MIR2052HG: variants seen among roughly 807,000 people sequenced by gnomAD.
MIR2052HG encodes the protein MIR2052 host gene.
At chr8:74,675,716 A>G (rs1809044031) in intron 2 of MIR2052HG, among the ~76,000 whole-genome samples, 1 of 152,016 alleles carries the variant, frequency 6.6e-6, no homozygotes. Context: ...CATATAAAAT[A>G]CCATAGAAAA....
chr8:74,671,470 G>A (rs758279946), intron 2 of MIR2052HG, among the ~76,000 whole-genome samples: 1 of 152,064 alleles, frequency 6.6e-6, no homozygotes, highest in Non-Finnish European at 1.5e-5. Flanking sequence ...TGAAATGGTA[G>A]AGTTGAGTTT....
intron 4 of MIR2052HG, among the ~76,000 whole-genome samples, chr8:74,746,958 A>G (rs184802114): frequency 4.6e-5 from 7 of 152,272 alleles, no homozygotes; most frequent in African/African-American, 1.4e-4. Flanking sequence ...TTTACCACCC[A>G]AGCCCCCTTA....
At chr8:74,687,513 T>C (rs1053565127) in intron 2 of MIR2052HG, among the ~76,000 whole-genome samples, 3 of 152,042 alleles carry the variant, frequency 2.0e-5, no homozygotes, top group African/African-American at 4.8e-5. Context: ...TATTTAGCCA[T>C]AAAAGAAGGG....
chr8:74,629,069 C>T (rs1808475105), intron 2 of MIR2052HG, among the ~76,000 whole-genome samples: 1 of 152,016 alleles, frequency 6.6e-6, no homozygotes, highest in South Asian at 2.1e-4. Context: ...TTATGTCAGC[C>T]AGTGTGTTGG....
At chr8:74,662,993 A>G (rs572829347) in intron 2 of MIR2052HG, among the ~76,000 whole-genome samples, 2 of 152,190 alleles carry the variant, frequency 1.3e-5, no homozygotes, top group Non-Finnish European at 2.9e-5. Context: ...CTAATCCCCA[A>G]TGTGATAACC....
chr8:74,618,543 C>T (rs1366101205), intron 2 of MIR2052HG, among the ~76,000 whole-genome samples: 3 of 152,070 alleles, frequency 2.0e-5, no homozygotes, highest in Non-Finnish European at 4.4e-5. Context: ...AGGACAAAAA[C>T]CATATGATCA....
chr8:74,610,924 A>C (rs892019956), intron 1 of MIR2052HG, among the ~76,000 whole-genome samples: 1 of 152,062 alleles, frequency 6.6e-6, no homozygotes, highest in African/African-American at 2.4e-5. Context: ...AATTGGATTA[A>C]GTAAAGACTG....
intron 2 of MIR2052HG, among the ~76,000 whole-genome samples, chr8:74,689,163 T>C (rs1809213925): frequency 6.6e-6 from 1 of 152,130 alleles, no homozygotes; most frequent in African/African-American, 2.4e-5. Context: ...TTTGAGGTGA[T>C]ATGTGCTTGG....
chr8:74,738,848 T>C (rs1434626686), intron 4 of MIR2052HG, among the ~76,000 whole-genome samples: 2 of 152,208 alleles, frequency 1.3e-5, no homozygotes, highest in Admixed American at 1.3e-4. Flanking sequence ...CAGAAAATCA[T>C]CTTGAGGCTT....
intron 2 of MIR2052HG, among the ~76,000 whole-genome samples, chr8:74,695,137 A>T (rs1179823658): frequency 1.3e-5 from 2 of 152,204 alleles, no homozygotes; most frequent in East Asian, 3.9e-4. Context: ...GCTGGAAAGG[A>T]TTTGTGCCCT....
chr8:74,616,573 A>G (rs1023011797), intron 2 of MIR2052HG, among the ~76,000 whole-genome samples: 3 of 151,562 alleles, frequency 2.0e-5, no homozygotes, highest in Non-Finnish European at 4.4e-5. Context: ...GCAGTATTCT[A>G]TTTTGCATCC....
At position 74,713,369 on chromosome 8, in the gene MIR2052HG, A is replaced by C. The variant is rs111433739; in HGVS notation, n.371+9687A>C. On this transcript the variant is annotated intron_variant and non_coding_transcript_variant, in intron 4 of 6. Coordinates refer to ENST00000523442, the Ensembl canonical transcript of MIR2052HG. ...ACAGAGCAGCCAGAATTCATTTCTT[A>C]AATGACAAAATGGATGTAACTCTCC... Among the ~76,000 whole-genome samples the C allele has an allele frequency of 1.6e-4, 25 of 152,322 alleles. 3 individuals are homozygous for C. The highest frequency in any genetic ancestry group is 5.8e-4 in the African/African-American group (24 of 41,574).
At chr8:74,703,864 C>T (rs1305812995) in intron 4 of MIR2052HG, among the ~76,000 whole-genome samples, 1 of 152,010 alleles carries the variant, frequency 6.6e-6, no homozygotes, top group Non-Finnish European at 1.5e-5. Flanking sequence ...ATGTGTATTT[C>T]CAATGATACC....
At chr8:74,715,124 A>G (rs1375706176) in intron 4 of MIR2052HG, among the ~76,000 whole-genome samples, 2 of 152,234 alleles carry the variant, frequency 1.3e-5, no homozygotes, top group Non-Finnish European at 2.9e-5. Context: ...TATTTCTATT[A>G]CTATTAGTAA....
At chr8:74,699,817 T>C (rs1330627434) in intron 2 of MIR2052HG, among the ~76,000 whole-genome samples, 1 of 152,162 alleles carries the variant, frequency 6.6e-6, no homozygotes, top group African/African-American at 2.4e-5. Flanking sequence ...GGAAATGGTT[T>C]CTATATGGTA....
At chr8:74,679,232 A>G (rs1289852303) in intron 2 of MIR2052HG, among the ~76,000 whole-genome samples, 1 of 151,980 alleles carries the variant, frequency 6.6e-6, no homozygotes, top group Non-Finnish European at 1.5e-5. Context: ...GTAGTCTTTT[A>G]TCTCTCACCT....
At chr8:74,698,346 A>G (rs1344055402) in intron 2 of MIR2052HG, among the ~76,000 whole-genome samples, 2 of 152,244 alleles carry the variant, frequency 1.3e-5, no homozygotes, top group Non-Finnish European at 2.9e-5. Context: ...CACCTTATAC[A>G]ACAATCAACT....
intron 5 of MIR2052HG, chr8:74,757,180 T>C (rs903461332): frequency 1.3e-5 from 2 of 152,196 alleles, no homozygotes; most frequent in African/African-American, 4.8e-5. Context: ...GTCATTAGGT[T>C]AATAACACCC....
At position 74,693,105 on chromosome 8, in the gene MIR2052HG, C is replaced by G. The variant is rs1483378477; in HGVS notation, n.217-9274C>G. On this transcript the variant is annotated intron_variant and non_coding_transcript_variant, in intron 2 of 6. Transcript: ENST00000523442. Reference sequence around the variant, plus strand: ...TGTGGCGTCAGAAAACACAGACTGACAAGTTATATGATCATGGGCAACTCA... The same window carrying G: ...TGTGGCGTCAGAAAACACAGACTGAGAAGTTATATGATCATGGGCAACTCA... Among the ~76,000 whole-genome samples, 3 of 152,182 alleles carry G rather than the reference C, an allele frequency of 2.0e-5. No individual in the cohort carries two copies. In the East Asian group the frequency reaches 5.8e-4, roughly 29 times the overall value.
Sources: allele counts gnomAD v4.1 joint callset (sites outside exome capture counted in the v4.1 genomes callset), GRCh38; gene constraint gnomAD v4.1.1; transcripts MANE v1.5; gene names NCBI Gene and HGNC (gene_info 2026-07-23, HGNC 2026-07-21).